CAMTA1: variants seen among roughly 807,000 people sequenced by gnomAD.
The protein encoded by CAMTA1 is calmodulin-binding transcription activator 1.
CAMTA1 carries 27 observed loss-of-function variants against 170.9 expected under a neutral mutation model. The ratio of observed to expected loss-of-function variants is 0.16; its 90% CI spans 0.12 to 0.22. The LOEUF is 0.22. Among genes scored for constraint, CAMTA1 ranks in the 10% least tolerant of loss-of-function variants. The pLI is 1.00. For missense variants in CAMTA1, 1,619 were observed against 2,217.2 expected, an observed-to-expected ratio of 0.73 and a Z score of 5.42; for synonymous variants, 833 against 891.5, an observed-to-expected ratio of 0.93 and a Z score of 1.17.
chr1:7,094,737 G>A (rs564049914), intron 4 of CAMTA1, among the ~76,000 whole-genome samples: 1 of 152,168 alleles, frequency 6.6e-6, no homozygotes, highest in East Asian at 1.9e-4. Context: ...GGGGGCAGCC[G>A]CGGTATCGCA....
At chr1:6,904,365 C>G (rs1462787427) in intron 3 of CAMTA1, among the ~76,000 whole-genome samples, 2 of 152,212 alleles carry the variant, frequency 1.3e-5, no homozygotes, top group Non-Finnish European at 1.5e-5. Flanking sequence ...CATCTGGTCC[C>G]TGCCCCTTTC....
intron 3 of CAMTA1, among the ~76,000 whole-genome samples, chr1:7,046,972 G>A (rs1186402243): frequency 1.3e-5 from 2 of 152,198 alleles, no homozygotes; most frequent in African/African-American, 4.8e-5. Context: ...TGCCCATGGT[G>A]GAACTCTTCC....
At chr1:7,301,631 A>G (rs1674779534) in intron 5 of CAMTA1, among the ~76,000 whole-genome samples, 2 of 151,930 alleles carry the variant, frequency 1.3e-5, no homozygotes, top group Non-Finnish European at 2.9e-5. Context: ...CCTCTTCCCC[A>G]CAGCATGGAT....
intron 5 of CAMTA1, among the ~76,000 whole-genome samples, chr1:7,266,983 A>T (rs1264477116): frequency 6.6e-6 from 1 of 152,264 alleles, no homozygotes; most frequent in East Asian, 1.9e-4. Context: ...CACTGATGGG[A>T]TCGTAGCAGG....
At chr1:7,494,022 TC>T (rs1163571563) in intron 6 of CAMTA1, among the ~76,000 whole-genome samples, 4 of 152,020 alleles carry the variant, frequency 2.6e-5, no homozygotes, top group African/African-American at 9.7e-5. Flanking sequence ...TGGTTGCCAC[TC>T]CCCCGTGCAT....
At position 6,880,374 on chromosome 1, in the gene CAMTA1, T is replaced by C. The variant is rs962095248; in HGVS notation, c.234+55164T>C. 1.6e-4 allele frequency among the ~76,000 whole-genome samples: 23 copies of C among 144,666 alleles called. 1 individual carries two copies. In the Admixed American group the frequency reaches 1.6e-3, roughly 10 times the overall value. 94.9% of individuals were successfully genotyped at this position (144,666 alleles called of 152,430 possible). A position where few individuals can be genotyped will look rare whatever the true frequency, so the allele number is the denominator to read the frequency against. ...CAGGCATGAGCCACCAGGCCCAGCCTCTAAAAGTGTTTTTTTTTTTTTTTT... is the reference window on the plus strand; with the variant it reads ...CAGGCATGAGCCACCAGGCCCAGCCCCTAAAAGTGTTTTTTTTTTTTTTTT... On this transcript the variant is annotated intron_variant, in intron 3 of 22. Coordinates refer to ENST00000303635, the MANE Select transcript of CAMTA1 (RefSeq NM_015215.4).
chr1:7,765,154 C>T (rs2150328892), intron 22 of CAMTA1, among the ~76,000 whole-genome samples: 1 of 152,270 alleles, frequency 6.6e-6, no homozygotes, highest in South Asian at 2.1e-4. Context: ...AAATCAGCCT[C>T]TCACATCCAT....
intron 22 of CAMTA1, among the ~76,000 whole-genome samples, chr1:7,761,893 G>A (rs190606295): frequency 4.7e-4 from 71 of 151,962 alleles, no homozygotes; most frequent in Non-Finnish European, 8.8e-4. Flanking sequence ...GCTCATGCCT[G>A]TAATCCCAGC....
At position 7,106,661 on chromosome 1, in the gene CAMTA1, C is replaced by T. The variant is rs760771871; in HGVS notation, c.302+15290C>T. On this transcript the variant is annotated intron_variant, in intron 4 of 22. Coordinates refer to ENST00000303635, the MANE Select transcript of CAMTA1 (RefSeq NM_015215.4). ...GGGAGTATTTATAGCCCCGTGGAACCGCGTTTCTCTGCTTCACCAAGTGTT... is the reference window on the plus strand; with the variant it reads ...GGGAGTATTTATAGCCCCGTGGAACTGCGTTTCTCTGCTTCACCAAGTGTT... Among the ~76,000 whole-genome samples, 3 of 152,176 alleles carry T rather than the reference C, an allele frequency of 2.0e-5. No homozygotes were observed. The East Asian group carries it at 5.8e-4, about 29-fold the overall frequency.
chr1:6,826,900 C>T (rs1037244145), intron 3 of CAMTA1, among the ~76,000 whole-genome samples: 2 of 152,154 alleles, frequency 1.3e-5, no homozygotes, highest in African/African-American at 4.8e-5. Flanking sequence ...CTTTTTGAAA[C>T]TTTTCAGCAT....
Position 7,010,242 on chromosome 1 carries a change from A to C in CAMTA1, c.235-81062A>C, listed in dbSNP as rs1471851919. On this transcript the variant is annotated intron_variant, in intron 3 of 22. Coordinates refer to ENST00000303635, the MANE Select transcript of CAMTA1 (RefSeq NM_015215.4). This position sits in a 1 kb window ranked among gnomAD's most constrained non-coding sequence, Gnocchi z 4.4. Reference sequence around the variant, plus strand: ...AGAGGACTTGACTGAGCTCATGGTCAGGGAGTGTCAGAACGAGGACCAGGA... The same window carrying C: ...AGAGGACTTGACTGAGCTCATGGTCCGGGAGTGTCAGAACGAGGACCAGGA... Among the ~76,000 whole-genome samples the C allele has an allele frequency of 6.6e-6, 1 of 152,196 alleles. No individual in the cohort carries two copies. Among genetic ancestry groups the C allele is most frequent in the Non-Finnish European group, 1.5e-5 (1 of 68,036 alleles).
chr1:7,157,357 A>G (rs1262625924), intron 4 of CAMTA1, among the ~76,000 whole-genome samples: 3 of 139,710 alleles, frequency 2.1e-5, no homozygotes, highest in Non-Finnish European at 3.1e-5. Flanking sequence ...AAAAAAAAAA[A>G]AAAAAGCAGA....
chr1:7,752,989 G>C (rs1309719416), intron 21 of CAMTA1, among the ~76,000 whole-genome samples: 1 of 152,212 alleles, frequency 6.6e-6, no homozygotes, highest in East Asian at 1.9e-4. Context: ...ATTTCCACCA[G>C]ATAGCTGGTG....
chr1:7,738,248 G>C lies in CAMTA1; in HGVS notation c.3948G>C (p.Gln1316His), dbSNP rs1377678755. 3 of 1,613,956 alleles carry C rather than the reference G, an allele frequency of 1.9e-6. No individual in the cohort carries two copies. The highest frequency in any genetic ancestry group is 4.5e-5 in the East Asian group (2 of 44,894). The change falls in exon 16 of 23, where the codon CAG (glutamine) becomes CAC (histidine). Residue 1316 changes from glutamine (Q) to histidine (H), a missense_variant. Gln to His is a conservative substitution (Grantham distance 24, BLOSUM62 0). Coordinates refer to ENST00000303635, the MANE Select transcript of CAMTA1 (RefSeq NM_015215.4). The surrounding 1 kb of genome is among the most constrained non-coding windows in gnomAD (Gnocchi z 4.9). ...CAGCATTTCAAGCCTCTGGATCTCA[G>C]CCTGTAGGAAAGTGGAATTCCAAAG... ...ETAAFQASGS[Q>H]PVGKWNSKDL...
At chr1:7,238,786 G>A (rs1216125500) in intron 4 of CAMTA1, among the ~76,000 whole-genome samples, 2 of 152,248 alleles carry the variant, frequency 1.3e-5, no homozygotes, top group East Asian at 3.8e-4. Flanking sequence ...GGGAGGCTGA[G>A]GCAGGAGAAT....
At chr1:7,161,628 T>C (rs184355737) in intron 4 of CAMTA1, among the ~76,000 whole-genome samples, 140 of 152,332 alleles carry the variant, frequency 9.2e-4, no homozygotes, top group African/African-American at 3.2e-3. Flanking sequence ...TGACTTGCTC[T>C]TCCTTGCCTT....
rs1010290631 is a variant in CAMTA1, at chr1:7,331,133, G to A, written c.438+81507G>A. On this transcript the variant is annotated intron_variant, in intron 5 of 22. Coordinates refer to ENST00000303635, the MANE Select transcript of CAMTA1 (RefSeq NM_015215.4). ...CAGGCACCTGTAATCCCAGCTACTC[G>A]GAGGCTGAGGTAGGAGAATTGCTTG... Among the ~76,000 whole-genome samples, 13 of 152,140 alleles carry A rather than the reference G, an allele frequency of 8.5e-5. 1 individual carries two copies. The highest frequency in any genetic ancestry group is 7.7e-4 in the East Asian group (4 of 5,190).
rs117610001 is a variant in CAMTA1 at position 7,421,116 on chromosome 1, G to A, written c.439-46714G>A. Among the ~76,000 whole-genome samples the A allele has an allele frequency of 1.2e-3, 185 of 151,992 alleles. 3 individuals carry two copies. The East Asian group carries it at 0.032, about 26-fold the overall frequency. On this transcript the variant is annotated intron_variant, in intron 5 of 22. Coordinates refer to ENST00000303635, the MANE Select transcript of CAMTA1 (RefSeq NM_015215.4). ...CCTTGGAATAGCGGCTAGGTGCCCC[G>A]TTCAGTAGATATTGGTTGAATTTCT...
At chr1:7,062,474 G>T (rs1031552530) in intron 3 of CAMTA1, among the ~76,000 whole-genome samples, 18 of 152,274 alleles carry the variant, frequency 1.2e-4, no homozygotes, top group East Asian at 9.7e-4. Context: ...GGTGAGTCTC[G>T]AGCGGCCGGT....
Sources: allele counts gnomAD v4.1 joint callset (sites outside exome capture counted in the v4.1 genomes callset), GRCh38; gene constraint gnomAD v4.1.1; non-coding constraint Gnocchi (gnomAD v3.1); transcripts MANE v1.5; gene names NCBI Gene and HGNC (gene_info 2026-07-23, HGNC 2026-07-21).